The following MAGI2 variants were observed in gnomAD, a reference collection of about 807,000 sequenced individuals.
MAGI2 encodes the protein membrane associated guanylate kinase, WW and PDZ domain containing 2, also known as membrane-associated guanylate kinase, WW and PDZ domain-containing protein 2.
Under a neutral mutation model 133.3 loss-of-function variants are expected in MAGI2, and 35 were observed. The observed-to-expected ratio is 0.26, with a 90% CI of 0.20 to 0.35. The LOEUF is 0.35. Among genes scored for constraint, MAGI2 ranks in the 10% least tolerant of loss-of-function variants. MAGI2 has a pLI of 1.00. For missense variants in MAGI2, 1,636 were observed against 1,863.4 expected, an observed-to-expected ratio of 0.88 and a Z score of 2.25; for synonymous variants, 729 against 710.6, an observed-to-expected ratio of 1.03 and a Z score of -0.41.
chr7:78,360,057 G>A (rs946850388), intron 7 of MAGI2, among the ~76,000 whole-genome samples: 1 of 152,188 alleles, frequency 6.6e-6, no homozygotes, highest in African/African-American at 2.4e-5. Flanking sequence ...CTCATGTGGG[G>A]ATGAGGTAGT....
At chr7:78,485,187 G>A (rs1482047821) in intron 6 of MAGI2, 1 of 151,864 alleles carries the variant, frequency 6.6e-6, no homozygotes, top group East Asian at 1.9e-4. Flanking sequence ...TTGCATCCAA[G>A]GTATTTAGTG....
At chr7:78,199,711 G>A (rs777226373) in intron 11 of MAGI2, among the ~76,000 whole-genome samples, 6 of 152,172 alleles carry the variant, frequency 3.9e-5, no homozygotes, top group South Asian at 2.1e-4. Context: ...TGTCTATGCC[G>A]TGGAAGTCCA....
intron 1 of MAGI2, among the ~76,000 whole-genome samples, chr7:79,311,273 C>T (rs541827458): frequency 1.3e-5 from 2 of 152,102 alleles, no homozygotes; most frequent in Non-Finnish European, 2.9e-5. Flanking sequence ...TTCCCTGGGC[C>T]ACCTTGGAAG....
At chr7:78,360,265 A>AAGTAGC (rs1341975199) in intron 7 of MAGI2, among the ~76,000 whole-genome samples, 50 of 152,324 alleles carry the variant, frequency 3.3e-4, no homozygotes, top group African/African-American at 1.2e-3. Flanking sequence ...GAAGATGCAA[A>AAGTAGC]TGCCAGCCAA....
At chr7:79,436,219 C>A (rs1197009524) in intron 1 of MAGI2, among the ~76,000 whole-genome samples, 2 of 128,120 alleles carry the variant, frequency 1.6e-5, no homozygotes, top group African/African-American at 6.4e-5. Context: ...AGCAAGACTT[C>A]ACCTCAAAAA....
intron 1 of MAGI2, 100 bp downstream of exon 1, chr7:79,452,920 G>T: frequency 7.6e-7 from 1 of 1,307,966 alleles, no homozygotes; most frequent in Non-Finnish European, 1.0e-6. Flanking sequence ...CCATCATCGC[G>T]CAACACACCC....
chr7:78,864,595 A>G (rs976299153), intron 2 of MAGI2, among the ~76,000 whole-genome samples: 3 of 152,142 alleles, frequency 2.0e-5, no homozygotes, highest in African/African-American at 7.2e-5. Context: ...TCTGCATTCC[A>G]TTTTCTGTCT....
At chr7:78,676,490 A>G (rs1435453672) in intron 2 of MAGI2, among the ~76,000 whole-genome samples, 2 of 152,152 alleles carry the variant, frequency 1.3e-5, no homozygotes, top group Admixed American at 6.6e-5. Context: ...GCCAACTTAC[A>G]AAATTAATTC....
At chr7:79,209,638 C>T (rs1829337462) in intron 1 of MAGI2, among the ~76,000 whole-genome samples, 1 of 151,930 alleles carries the variant, frequency 6.6e-6, no homozygotes, top group Admixed American at 6.6e-5. Context: ...TTATCAAGTC[C>T]CATGTGCTTT....
At chr7:78,859,335 C>T (rs552023190) in intron 2 of MAGI2, among the ~76,000 whole-genome samples, 5 of 152,166 alleles carry the variant, frequency 3.3e-5, no homozygotes, top group South Asian at 2.1e-4. Context: ...TTCCTAGCAT[C>T]GATGGTCTTT....
chr7:78,199,955 T>A (rs1829086532), intron 11 of MAGI2, among the ~76,000 whole-genome samples: 1 of 152,236 alleles, frequency 6.6e-6, no homozygotes, highest in African/African-American at 2.4e-5. Context: ...TAGATAAAGA[T>A]GTGTATAACC....
intron 3 of MAGI2, among the ~76,000 whole-genome samples, chr7:78,524,340 G>A (rs1796769354): frequency 6.6e-6 from 1 of 151,360 alleles, no homozygotes; most frequent in Non-Finnish European, 1.5e-5. Flanking sequence ...TTGTTGTGAA[G>A]ACGAAGTAAG....
chr7:79,397,222 A>C (rs991260), intron 1 of MAGI2, among the ~76,000 whole-genome samples: 2 of 149,408 alleles, frequency 1.3e-5, no homozygotes. Flanking sequence ...ATATGTATAT[A>C]TGCGTGTGTA....
chr7:78,058,554 C>G (rs1391374899), intron 21 of MAGI2, among the ~76,000 whole-genome samples: 2 of 151,370 alleles, frequency 1.3e-5, no homozygotes, highest in African/African-American at 2.4e-5. Context: ...TCACTGCAAA[C>G]TCCGCCTCCC....
At chr7:79,015,591 C>T (rs904686652) in intron 1 of MAGI2, among the ~76,000 whole-genome samples, 3 of 152,088 alleles carry the variant, frequency 2.0e-5, no homozygotes, top group African/African-American at 7.2e-5. Context: ...TGGATCAGTA[C>T]TAATGAAGTT....
intron 9 of MAGI2, among the ~76,000 whole-genome samples, chr7:78,334,096 C>T (rs139733928): frequency 6.6e-6 from 1 of 152,296 alleles, no homozygotes; most frequent in African/African-American, 2.4e-5. Flanking sequence ...CTTAGGCTTT[C>T]TTGCAGCTCT....
At chr7:78,337,098 A>C (rs1789852175) in intron 9 of MAGI2, among the ~76,000 whole-genome samples, 1 of 152,202 alleles carries the variant, frequency 6.6e-6, no homozygotes, top group Non-Finnish European at 1.5e-5. Context: ...ATAAATAACT[A>C]TCTATCAGAC....
intron 1 of MAGI2, among the ~76,000 whole-genome samples, chr7:79,034,087 T>C (rs1810890075): frequency 6.6e-6 from 1 of 152,176 alleles, no homozygotes; most frequent in Admixed American, 6.5e-5. Context: ...TTTATATTCT[T>C]CCATCTACGC....
chr7:79,317,222 C>T (rs1277237423), intron 1 of MAGI2, among the ~76,000 whole-genome samples: 1 of 151,932 alleles, frequency 6.6e-6, no homozygotes, highest in African/African-American at 2.4e-5. Flanking sequence ...CGGGTTTTCA[C>T]CTTATTGGTC....
Sources: allele counts gnomAD v4.1 joint callset (sites outside exome capture counted in the v4.1 genomes callset), GRCh38; gene constraint gnomAD v4.1.1; transcripts MANE v1.5; gene names NCBI Gene and HGNC (gene_info 2026-07-23, HGNC 2026-07-21).